The following SPATA1 variants were observed in gnomAD, a reference collection of about 807,000 sequenced individuals.
SPATA1 encodes spermatogenesis-associated protein 1.
A neutral mutation model predicts 59.6 loss-of-function variants in SPATA1; 57 were observed. The observed-to-expected ratio is 0.96, with a 90% CI of 0.77 to 1.19. The LOEUF is 1.19. Among genes scored for constraint, SPATA1 ranks in the 50% most tolerant of loss-of-function variants. The pLI, the probability that SPATA1 is intolerant of heterozygous loss-of-function variation, is 0.00. For missense variants in SPATA1, 448 were observed against 480.7 expected (o/e 0.93, Z 0.64); for synonymous variants, 147 against 163.9 (o/e 0.90, Z 0.79).
intron 6 of SPATA1, 100 bp from the exon 7 acceptor site, chr1:84,532,760 T>C (rs1683522739): frequency 1.4e-6 from 1 of 700,588 alleles, no homozygotes; most frequent in Non-Finnish European, 2.3e-6. Flanking sequence ...TTCTGAAATC[T>C]ACGATAAGAT....
At chr1:84,542,800 A>G (rs974827071) in intron 8 of SPATA1, among the ~76,000 whole-genome samples, 1 of 152,174 alleles carries the variant, frequency 6.6e-6, no homozygotes, top group Non-Finnish European at 1.5e-5. Flanking sequence ...GGCTGCCATT[A>G]TCCTGTGGGA....
At chr1:84,522,446 G>A (rs955836062) in exon 4 of SPATA1, 9 of 1,543,540 alleles carry the variant, frequency 5.8e-6, no homozygotes, top group Non-Finnish European at 7.9e-6. Flanking sequence ...GAGTTCCTGG[G>A]TGAAGATGCT....
chr1:84,514,394 T>C lies in SPATA1; in HGVS notation c.-137-1829T>C, dbSNP rs556250101. On this transcript the variant is annotated intron_variant, in intron 1 of 12. Transcript: ENST00000490879. Reference sequence around the variant, plus strand: ...GTTGAGTATTCCTTATCCAAAAGGTTTGGGATAATCTGAAATGTTTCAGAT... The same window carrying C: ...GTTGAGTATTCCTTATCCAAAAGGTCTGGGATAATCTGAAATGTTTCAGAT... Among the ~76,000 whole-genome samples the C allele has an allele frequency of 9.8e-5, 15 of 152,328 alleles. No individual in the cohort carries two copies. In the South Asian group the frequency reaches 2.9e-3, roughly 29 times the overall value.
chr1:84,528,744 C>T (rs11800617), intron 6 of SPATA1, among the ~76,000 whole-genome samples: 2,499 of 152,268 alleles, frequency 0.016, 68 homozygotes, highest in African/African-American at 0.056. Flanking sequence ...TTCATGTTCA[C>T]GTACATGTTC....
intron 3 of SPATA1, among the ~76,000 whole-genome samples, chr1:84,521,895 G>A (rs377751115): frequency 1.1e-4 from 17 of 152,242 alleles, no homozygotes; most frequent in East Asian, 9.6e-4. Flanking sequence ...AGATGATAGC[G>A]TAAGTGATGG....
chr1:84,517,491 G>A (rs1465308633), intron 2 of SPATA1, among the ~76,000 whole-genome samples: 1 of 152,076 alleles, frequency 6.6e-6, no homozygotes, highest in African/African-American at 2.4e-5. Flanking sequence ...CACTTGGATG[G>A]CCAATAGATA....
intron 11 of SPATA1, among the ~76,000 whole-genome samples, chr1:84,549,428 G>C (rs1368074325): frequency 6.6e-6 from 1 of 152,026 alleles, no homozygotes; most frequent in Non-Finnish European, 1.5e-5. Flanking sequence ...TCTGTACCTG[G>C]GACAGGGTCC....
chr1:84,557,136 T>C (rs1038758998), downstream of SPATA1, among the ~76,000 whole-genome samples: 2 of 152,234 alleles, frequency 1.3e-5, no homozygotes, highest in Non-Finnish European at 1.5e-5. Context: ...TTCCAGAATA[T>C]TGAGTCCAAG....
At chr1:84,552,311 T>A (rs1275462750) in intron 12 of SPATA1, 1 of 152,174 alleles carries the variant, frequency 6.6e-6, no homozygotes, top group Non-Finnish European at 1.5e-5. Context: ...AGGATCTGAC[T>A]CAGTAGGTCT....
At chr1:84,514,329 A>C (rs1558569629) in intron 1 of SPATA1, among the ~76,000 whole-genome samples, 1 of 152,314 alleles carries the variant, frequency 6.6e-6, no homozygotes, top group African/African-American at 2.4e-5. Context: ...AAAATCCCAA[A>C]CATGGCTTCT....
At chr1:84,514,358 G>A (rs543294219) in intron 1 of SPATA1, among the ~76,000 whole-genome samples, 2 of 152,174 alleles carry the variant, frequency 1.3e-5, no homozygotes, top group Admixed American at 1.3e-4. Flanking sequence ...ACTTTAGAAG[G>A]GATACTATAG....
chr1:84,548,951 TC>T lies in SPATA1; in HGVS notation c.1113del (p.Thr372GlnfsTer7). The T allele has an allele frequency of 6.3e-7, 1 of 1,585,014 alleles. No homozygotes were observed. The highest frequency in any genetic ancestry group is 8.6e-7 in the Non-Finnish European group (1 of 1,167,156). ...ATGAGACCAAAGAATCTGGCAAACATCACAGACTCCAAGGTATTACTAAATG... is the reference window on the plus strand; with the variant it reads ...ATGAGACCAAAGAATCTGGCAAACATACAGACTCCAAGGTATTACTAAATG... On this transcript the variant is annotated frameshift_variant, in exon 11 of 13. Transcript: ENST00000490879. LOFTEE classifies it high-confidence loss of function.
chr1:84,514,848 G>C lies in SPATA1; in HGVS notation c.-137-1375G>C, dbSNP rs541875575. 6.7e-4 allele frequency among the ~76,000 whole-genome samples: 102 copies of C among 152,228 alleles called. 3 individuals carry two copies. In the South Asian group the frequency reaches 0.02, roughly 29 times the overall value. ...TAACTGGAAGTGGAGGCACACGCCT[G>C]TAATCTCAGCTACTTGGGAGGCTGA... On this transcript the variant is annotated intron_variant, in intron 1 of 12. Coordinates refer to ENST00000490879, the Ensembl canonical transcript of SPATA1.
intron 1 of SPATA1, chr1:84,506,842 CTG>C (rs1438147859): frequency 2.6e-5 from 4 of 152,290 alleles, no homozygotes; most frequent in African/African-American, 9.6e-5. Flanking sequence ...TTTGACTTTA[CTG>C]GCTTCTTAGC....
At chr1:84,539,867 A>C (rs994179098) in intron 8 of SPATA1, among the ~76,000 whole-genome samples, 2 of 152,208 alleles carry the variant, frequency 1.3e-5, no homozygotes, top group Non-Finnish European at 2.9e-5. Flanking sequence ...GTTGCTATTT[A>C]TGCTTACACC....
At chr1:84,526,232 G>T (rs1290370163) in intron 6 of SPATA1, 159 bp downstream of exon 6, 2 of 576,418 alleles carry the variant, frequency 3.5e-6, no homozygotes, top group African/African-American at 1.9e-5. Flanking sequence ...AAATATTTTT[G>T]CCAGATGGGA....
intron 4 of SPATA1, chr1:84,563,546 G>A (rs565963048): frequency 5.6e-6 from 4 of 717,376 alleles, no homozygotes; most frequent in Non-Finnish European, 6.1e-6. Context: ...CAGAAAAAAG[G>A]TTAAAATAAA....
downstream of SPATA1, among the ~76,000 whole-genome samples, chr1:84,566,798 A>T (rs913120052): frequency 6.6e-6 from 1 of 151,948 alleles, no homozygotes; most frequent in Non-Finnish European, 1.5e-5. Flanking sequence ...ACGCCCAGCT[A>T]ATTTTTTTGT....
rs530671910 is a variant in SPATA1 at position 84,564,601 on chromosome 1, G to A, written n.443-1260G>A. Among the ~76,000 whole-genome samples, 28 of 152,052 alleles carry A rather than the reference G, an allele frequency of 1.8e-4. No homozygotes were observed. In the South Asian group the frequency reaches 4.6e-3, roughly 25 times the overall value. ...TGTTGCTCAGGCTGGCTTGAACTTC[G>A]GCCTCATGTGATCTTCCCACCTCAG... On this transcript the variant is annotated intron_variant and non_coding_transcript_variant, in intron 4 of 4. Transcript: ENST00000460286.
Sources: allele counts gnomAD v4.1 joint callset (sites outside exome capture counted in the v4.1 genomes callset), GRCh38; gene constraint gnomAD v4.1.1; transcripts MANE v1.5; gene names NCBI Gene and HGNC (gene_info 2026-07-23, HGNC 2026-07-21).